The following CSMD2 variants were observed in gnomAD, a reference collection of about 807,000 sequenced individuals.
CSMD2 encodes the protein CUB and Sushi multiple domains 2, also known as CUB and sushi domain-containing protein 2.
Under a neutral mutation model 398.5 loss-of-function variants are expected in CSMD2, and 130 were observed. The ratio of observed to expected loss-of-function variants is 0.33; its 90% CI spans 0.28 to 0.38. The LOEUF (loss-of-function observed/expected upper bound fraction) is 0.38. Among genes scored for constraint, CSMD2 ranks in the 10% least tolerant of loss-of-function variants. The probability of loss-of-function intolerance (pLI) is 1.00; values close to 1 mark genes in which losing one functional copy is unlikely to be tolerated. For synonymous variants in CSMD2, 1,828 were observed against 1,908.5 expected (o/e 0.96, Z 1.10); for missense variants, 3,829 against 4,764.9 (o/e 0.80, Z 5.78).
chr1:33,923,149 G>T (rs1256206155), intron 4 of CSMD2, among the ~76,000 whole-genome samples: 2 of 152,032 alleles, frequency 1.3e-5, no homozygotes, highest in Non-Finnish European at 2.9e-5. Flanking sequence ...TTTTTGACAT[G>T]CATAGTAGGT....
At chr1:33,602,286 C>G in intron 43 of CSMD2, 83 bp downstream of exon 43, 1 of 1,478,542 alleles carries the variant, frequency 6.8e-7, no homozygotes, top group Non-Finnish European at 9.3e-7. Context: ...TTTTCTAAAC[C>G]AATAGGTAAC....
At chr1:33,914,451 T>C (rs932329497) in intron 5 of CSMD2, among the ~76,000 whole-genome samples, 3 of 151,878 alleles carry the variant, frequency 2.0e-5, no homozygotes, top group African/African-American at 4.8e-5. Context: ...CATGTATGTG[T>C]AGTCAGGGTG....
intron 46 of CSMD2, among the ~76,000 whole-genome samples, chr1:33,584,742 C>T (rs537421811): frequency 2.6e-4 from 36 of 140,318 alleles, no homozygotes; most frequent in African/African-American, 8.8e-4. Context: ...CAACATAGTG[C>T]TTCAATAAAT....
intron 3 of CSMD2, among the ~76,000 whole-genome samples, chr1:33,975,034 T>C (rs1645908560): frequency 1.3e-5 from 2 of 152,310 alleles, no homozygotes; most frequent in Admixed American, 6.5e-5. Flanking sequence ...GCCAGGCACT[T>C]TCCACTGCAC....
chr1:33,912,268 C>T (rs1019420936), intron 5 of CSMD2, among the ~76,000 whole-genome samples: 1 of 152,042 alleles, frequency 6.6e-6, no homozygotes, highest in African/African-American at 2.4e-5. Flanking sequence ...GTGGCCAGGG[C>T]AAGGAAGAGA....
At chr1:33,912,831 CAG>C (rs776345977) in intron 5 of CSMD2, among the ~76,000 whole-genome samples, 4 of 152,188 alleles carry the variant, frequency 2.6e-5, no homozygotes, top group South Asian at 2.1e-4. Flanking sequence ...GCTTTTTAGA[CAG>C]AGTCTTTCTT....
At chr1:33,648,444 C>CAGG (rs1643579706) in intron 28 of CSMD2, among the ~76,000 whole-genome samples, 1 of 150,452 alleles carries the variant, frequency 6.6e-6, no homozygotes, top group Non-Finnish European at 1.5e-5. Flanking sequence ...CTCCCAAGAA[C>CAGG]AGGAGATGGA....
At position 33,952,480 on chromosome 1, in the gene CSMD2, C is replaced by A. The variant is rs538169914; in HGVS notation, c.518-16526G>T. 7.9e-5 allele frequency among the ~76,000 whole-genome samples: 12 copies of A among 152,296 alleles called. 1 individual carries two copies. The South Asian group carries it at 2.5e-3, about 32-fold the overall frequency. On this transcript the variant is annotated intron_variant, in intron 3 of 70. Coordinates refer to ENST00000373381, the MANE Select transcript of CSMD2 (RefSeq NM_001281956.2). Reference sequence around the variant, plus strand: ...TTTTCAGCACTCAACTCAAATGTCACCTCCTCAGAGAAGCCTACCCTGACA... The same window carrying A: ...TTTTCAGCACTCAACTCAAATGTCAACTCCTCAGAGAAGCCTACCCTGACA...
intron 3 of CSMD2, among the ~76,000 whole-genome samples, chr1:33,992,010 A>C (rs1646570787): frequency 6.6e-6 from 1 of 152,222 alleles, no homozygotes; most frequent in South Asian, 2.1e-4. Context: ...AGGAAAATGC[A>C]AATCAAAACA....
At chr1:33,947,615 G>A (rs1303126844) in intron 3 of CSMD2, among the ~76,000 whole-genome samples, 1 of 152,088 alleles carries the variant, frequency 6.6e-6, no homozygotes, top group Admixed American at 6.5e-5. Context: ...TTAGACAGAG[G>A]GGCCCAAAGA....
At position 33,811,016 on chromosome 1, in the gene CSMD2, G is replaced by A. The variant is rs1656810215; in HGVS notation, c.1325-152C>T. On this transcript the variant is annotated intron_variant, in intron 9 of 70. Transcript: ENST00000373381. ...CCTGGGTCCTTCCTCTACAGTTCTTGGGAGGCTTGAAGGGAAGCCGCAGTG... is the reference window on the plus strand; with the variant it reads ...CCTGGGTCCTTCCTCTACAGTTCTTAGGAGGCTTGAAGGGAAGCCGCAGTG... The A allele has an allele frequency of 9.8e-6, 8 of 814,176 alleles. No homozygotes were observed. The South Asian group carries it at 1.1e-4, about 11-fold the overall frequency. 50.4% of individuals were successfully genotyped at this position (814,176 alleles called of 1,614,324 possible). A position where few individuals can be genotyped will look rare whatever the true frequency, so the allele number is the denominator to read the frequency against.
Position 33,515,862 on chromosome 1 carries a change from T to C in CSMD2, c.*762A>G, listed in dbSNP as rs573553837. The C allele has an allele frequency of 6.6e-6, 1 of 152,336 alleles. No homozygotes were observed. The highest frequency in any genetic ancestry group is 2.1e-4 in the South Asian group (1 of 4,822). The allele number at this position is 152,336 out of a possible 1,614,324, so 9.4% of individuals were successfully genotyped here. A position where few individuals can be genotyped will look rare whatever the true frequency, so the allele number is the denominator to read the frequency against. ...CTATCCTCCCCGGCTCTCCCTTCTT[T>C]CCCAGTGCTTCCCAGGACCCAAATG... is the stretch of plus-strand genomic sequence containing the variant. On this transcript the variant is annotated 3_prime_UTR_variant, in exon 71 of 71. Transcript: ENST00000373381.
At chr1:34,138,749 AC>A (rs1230024402) in intron 1 of CSMD2, among the ~76,000 whole-genome samples, 1 of 152,104 alleles carries the variant, frequency 6.6e-6, no homozygotes, top group Non-Finnish European at 1.5e-5. Context: ...AACAATTTAC[AC>A]CCCTACAGGC....
At chr1:33,557,160 C>T (rs924876184) in intron 55 of CSMD2, among the ~76,000 whole-genome samples, 6 of 152,282 alleles carry the variant, frequency 3.9e-5, no homozygotes, top group African/African-American at 1.4e-4. Flanking sequence ...GATTTTGTTT[C>T]CCCTTTAATC....
At chr1:33,829,855 T>C (rs1054141219) in intron 6 of CSMD2, among the ~76,000 whole-genome samples, 2 of 152,186 alleles carry the variant, frequency 1.3e-5, no homozygotes, top group Non-Finnish European at 2.9e-5. Flanking sequence ...CAGGAGATTA[T>C]ATTCCGCACC....
At chr1:34,150,985 G>T (rs547742113) in intron 1 of CSMD2, among the ~76,000 whole-genome samples, 2 of 152,150 alleles carry the variant, frequency 1.3e-5, no homozygotes, top group Non-Finnish European at 2.9e-5. Flanking sequence ...CTGATAAAGG[G>T]GGGGCGGGGG....
intron 21 of CSMD2, 99 bp downstream of exon 21, chr1:33,714,488 C>T: frequency 7.2e-7 from 1 of 1,396,998 alleles, no homozygotes; most frequent in South Asian, 1.3e-5. Context: ...TGGGCTAAGT[C>T]AGCCTCTTGG....
chr1:34,114,089 C>A (rs1661362513), intron 1 of CSMD2, among the ~76,000 whole-genome samples: 1 of 152,084 alleles, frequency 6.6e-6, no homozygotes, highest in Admixed American at 6.5e-5. Context: ...CACCAGAGAA[C>A]CTGAGTACCA....
At position 33,743,593 on chromosome 1, in the gene CSMD2, G is replaced by C; in HGVS notation, c.1860C>G (p.Phe620Leu). The change falls in exon 14 of 71, where the codon TTC (phenylalanine) becomes TTG (leucine). Residue 620 changes from phenylalanine (F) to leucine (L), a missense_variant. Phe to Leu is a conservative substitution (Grantham distance 22, BLOSUM62 0). Around this residue, in one of 5 missense-constraint regions of CSMD2, gnomAD observed 2,001 missense variants for 2,567.1 expected, o/e 0.78. Coordinates refer to ENST00000373381, the MANE Select transcript of CSMD2 (RefSeq NM_001281956.2). ...KKPGCVFSCF[F>L]NFTSPSGVVL... ...CAACCCCAGACGGGCTGGTGAAGTT[G>C]AAGAAGCAGGAGACTGCAAGAGAAG... 1 of 1,598,668 alleles carries C rather than the reference G, an allele frequency of 6.3e-7. No individual in the cohort carries two copies. The highest frequency in any genetic ancestry group is 8.5e-7 in the Non-Finnish European group (1 of 1,169,600).
Sources: allele counts gnomAD v4.1 joint callset (sites outside exome capture counted in the v4.1 genomes callset), GRCh38; gene constraint gnomAD v4.1.1; regional missense constraint gnomAD v4.1.1; transcripts MANE v1.5; gene names NCBI Gene and HGNC (gene_info 2026-07-23, HGNC 2026-07-21).